The following WDR11 variants were observed in gnomAD, a reference collection of about 807,000 sequenced individuals.
The protein encoded by WDR11 is WD repeat-containing protein 11.
In WDR11, 83 loss-of-function variants were observed where a neutral mutation model predicts 151.2. That is an observed-to-expected ratio of 0.55 (90% CI 0.46 to 0.66). The LOEUF (loss-of-function observed/expected upper bound fraction) is 0.66. Ranked by LOEUF, WDR11 falls within the 30% of genes least tolerant of loss-of-function variation. WDR11 has a pLI of 0.00. For missense variants in WDR11, 1,301 were observed against 1,480.9 expected, an observed-to-expected ratio of 0.88 and a Z score of 1.99; for synonymous variants, 484 against 533.1, an observed-to-expected ratio of 0.91 and a Z score of 1.27.
At position 120,900,669 on chromosome 10, in the gene WDR11, C is replaced by T. The variant is rs188212700; in HGVS notation, c.2625-367C>T. Among the ~76,000 whole-genome samples, 383 of 152,280 alleles carry T rather than the reference C, an allele frequency of 2.5e-3. 1 individual carries two copies. The highest frequency in any genetic ancestry group is 8.9e-3 in the African/African-American group (369 of 41,562). On this transcript the variant is annotated intron_variant, in intron 20 of 28. Transcript: ENST00000263461. ...AGTGTCTGTTCTCCAAGCACTGTCT[C>T]CTCAGAATATTCATTCTGCAGAGCT...
At chr10:120,881,035 A>G (rs1387577491) in intron 13 of WDR11, 134 bp downstream of exon 13, 1 of 732,188 alleles carries the variant, frequency 1.4e-6, no homozygotes, top group African/African-American at 1.8e-5. Flanking sequence ...GGTGATATGC[A>G]GCCCAAAGAA....
chr10:120,906,546 A>AAAC, intron 27 of WDR11: 1 of 1,392,284 alleles, frequency 7.2e-7, no homozygotes, highest in Non-Finnish European at 9.3e-7. Flanking sequence ...TTGTGTATTT[A>AAAC]AACTATTTCA....
chr10:120,864,954 G>A, intron 5 of WDR11, 93 bp from the exon 6 acceptor site: 13 of 1,455,466 alleles, frequency 8.9e-6, no homozygotes, highest in African/African-American at 1.4e-5. Flanking sequence ...CATTTTTATT[G>A]TCAATTTTTA....
intron 21 of WDR11, 131 bp downstream of exon 21, chr10:120,901,229 G>A (rs1039798619): frequency 1.8e-5 from 14 of 798,202 alleles, no homozygotes; most frequent in Non-Finnish European, 2.5e-5. Context: ...AGACCATTCT[G>A]TTTAGAGGTT....
intron 19 of WDR11, among the ~76,000 whole-genome samples, chr10:120,898,918 G>A (rs888351117): frequency 1.3e-5 from 2 of 152,192 alleles, no homozygotes; most frequent in African/African-American, 4.8e-5. Flanking sequence ...GTATAAGTTT[G>A]TGTCATTTTA....
rs1564724159 is a variant in WDR11, at chr10:120,903,152, A to G, written c.2851A>G (p.Lys951Glu). 1 of 1,614,210 alleles carries G rather than the reference A, an allele frequency of 6.2e-7. No individual in the cohort carries two copies. Among genetic ancestry groups the G allele is most frequent in the South Asian group, 1.1e-5 (1 of 91,082 alleles). ...QEKSASTTAP[K>E]EAAPRDKLSN... ...AAAGTCAGCCAGCACAACAGCTCCT[A>G]AAGAAGCTGCTCCTCGAGACAAACT... The change falls in exon 23 of 29, where the codon AAA (lysine) becomes GAA (glutamate). Residue 951 changes from lysine (K) to glutamate (E), a missense_variant. By Grantham distance (56) the Lys-to-Glu change is moderately conservative. This residue lies in a region of WDR11 where 589 missense variants were observed against 670.6 expected (regional missense o/e 0.88). Transcript: ENST00000263461.
Position 120,909,261 on chromosome 10 carries a change from C to CTAAG in WDR11, c.*550_*553dup, listed in dbSNP as rs1238381730. 4 of 155,658 alleles carry CTAAG rather than the reference C, an allele frequency of 2.6e-5. No individual in the cohort carries two copies. Among genetic ancestry groups the CTAAG allele is most frequent in the South Asian group, 2.0e-4 (1 of 5,078 alleles). 9.6% of individuals were successfully genotyped at this position (155,658 alleles called of 1,614,324 possible). ...GTTAATTCCTTGGTTTAAGCAGTTGCTAAGTTTTGTAATTTTAGGCTCAGA... is the reference window on the plus strand; with the variant it reads ...GTTAATTCCTTGGTTTAAGCAGTTGCTAAGTAAGTTTTGTAATTTTAGGCTCAGA... On this transcript the variant is annotated 3_prime_UTR_variant, in exon 29 of 29. Coordinates refer to ENST00000263461, the MANE Select transcript of WDR11 (RefSeq NM_018117.12).
At chr10:120,866,486 G>T in intron 7 of WDR11, 83 bp from the exon 8 acceptor site, 3 of 1,530,856 alleles carry the variant, frequency 2.0e-6, no homozygotes, top group Non-Finnish European at 2.7e-6. Context: ...CCCAAATTTA[G>T]TTGAGGTTTT....
intron 24 of WDR11, 41 bp from the exon 25 acceptor site, chr10:120,904,605 G>T: frequency 6.2e-7 from 1 of 1,612,588 alleles, no homozygotes; most frequent in Non-Finnish European, 8.5e-7. Flanking sequence ...TATGTTGGAG[G>T]AAAATGTTCT....
At chr10:120,870,901 A>G (rs1846514172) in intron 9 of WDR11, among the ~76,000 whole-genome samples, 1 of 152,162 alleles carries the variant, frequency 6.6e-6, no homozygotes, top group African/African-American at 2.4e-5. Context: ...ACATTGACTG[A>G]AACAGTGTTT....
At chr10:120,903,310 G>A in intron 23 of WDR11, 78 bp downstream of exon 23, 1 of 1,550,494 alleles carries the variant, frequency 6.4e-7, no homozygotes. Flanking sequence ...TTAAACTTGG[G>A]AAACTTTCAA....
At chr10:120,901,683 T>A (rs1847822946) in intron 21 of WDR11, among the ~76,000 whole-genome samples, 1 of 152,262 alleles carries the variant, frequency 6.6e-6, no homozygotes, top group African/African-American at 2.4e-5. Flanking sequence ...AAATTAAGCA[T>A]GATATTTTAT....
chr10:120,865,550 T>C, intron 6 of WDR11, 80 bp from the exon 7 acceptor site: 1 of 960,900 alleles, frequency 1.0e-6, no homozygotes, highest in South Asian at 1.6e-5. Flanking sequence ...CCATATTATC[T>C]AAATATGAGT....
At chr10:120,870,550 A>T (rs1378072303) in intron 9 of WDR11, among the ~76,000 whole-genome samples, 1 of 152,230 alleles carries the variant, frequency 6.6e-6, no homozygotes, top group Non-Finnish European at 1.5e-5. Context: ...AAATAATGCC[A>T]TTGAAGTCTT....
Position 120,878,363 on chromosome 10 carries a change from T to C in WDR11, c.1567T>C (p.Trp523Arg). The C allele has an allele frequency of 6.2e-7, 1 of 1,611,136 alleles. No individual in the cohort carries two copies. The highest frequency in any genetic ancestry group is 8.5e-7 in the Non-Finnish European group (1 of 1,177,682). Residue 523 changes from tryptophan to arginine, a missense_variant, in exon 12 of 29, where the codon TGG (tryptophan) becomes CGG (arginine). This residue lies in a region of WDR11 where 692 missense variants were observed against 762.5 expected (regional missense o/e 0.91). Coordinates refer to ENST00000263461, the MANE Select transcript of WDR11 (RefSeq NM_018117.12). ...IHSCEVKGIE[W>R]TSLTSFLSFA... ...CATTTCCTATTATAGGGGTATTGAA[T>C]GGACAAGTTTGACTAGTTTTCTTTC...
chr10:120,876,249 G>A (rs947531950), intron 11 of WDR11, among the ~76,000 whole-genome samples: 1 of 151,930 alleles, frequency 6.6e-6, no homozygotes, highest in Non-Finnish European at 1.5e-5. Flanking sequence ...CAAAGTGCTG[G>A]GATTACAGGC....
chr10:120,904,027 T>G lies in WDR11; in HGVS notation c.2932-20T>G, dbSNP rs1274209346. 1 of 1,517,290 alleles carries G rather than the reference T, an allele frequency of 6.6e-7. No homozygotes were observed. Among genetic ancestry groups the G allele is most frequent in the South Asian group, 1.1e-5 (1 of 88,994 alleles). The allele number at this position is 1,517,290 out of a possible 1,614,324, so 94.0% of individuals were successfully genotyped here. A position where few individuals can be genotyped will look rare whatever the true frequency, so the allele number is the denominator to read the frequency against. On this transcript the variant is annotated intron_variant, in intron 23 of 28. Transcript: ENST00000263461. ...ACTCTTATAATCCAGGCTTAATTTT[T>G]CTTTTTTTTCCAATTCTAGAAATTT...
intron 11 of WDR11, among the ~76,000 whole-genome samples, chr10:120,877,723 G>T (rs1846845653): frequency 6.6e-6 from 1 of 152,142 alleles, no homozygotes; most frequent in African/African-American, 2.4e-5. Flanking sequence ...GTCCAAATAA[G>T]GTTAACTTTT....
intron 20 of WDR11, among the ~76,000 whole-genome samples, chr10:120,900,506 G>A (rs979321166): frequency 1.3e-5 from 2 of 152,166 alleles, no homozygotes; most frequent in African/African-American, 4.8e-5. Context: ...GATATACTGT[G>A]TCTTAAAAAT....
Sources: allele counts gnomAD v4.1 joint callset (sites outside exome capture counted in the v4.1 genomes callset), GRCh38; gene constraint gnomAD v4.1.1; regional missense constraint gnomAD v4.1.1; transcripts MANE v1.5; gene names NCBI Gene and HGNC (gene_info 2026-07-23, HGNC 2026-07-21).